GPR19: variants seen among roughly 807,000 people sequenced by gnomAD.
GPR19 encodes the protein G protein-coupled receptor 19, also known as probable G protein-coupled receptor 19.
Under a neutral mutation model 28.5 loss-of-function variants are expected in GPR19, and 14 were observed. That is an observed-to-expected ratio of 0.49 (90% CI 0.32 to 0.77). The LOEUF (loss-of-function observed/expected upper bound fraction) is 0.77, where lower values mean the gene tolerates loss of function less well. Ranked by LOEUF, GPR19 falls within the 30% of genes least tolerant of loss-of-function variation. The pLI is 0.03. For synonymous variants in GPR19, 173 were observed against 184.1 expected (o/e 0.94, Z 0.49); for missense variants, 409 against 504.1 (o/e 0.81, Z 1.81).
the GPR19 span, chr12:12,717,097 C>G: frequency 9.9e-7 from 1 of 1,011,538 alleles, no homozygotes; most frequent in Non-Finnish European, 1.2e-6. Context: ...AGGTTCCCGG[C>G]CGTTTGGCTA....
At chr12:12,663,146 A>T (rs1945705337) in intron 3 of GPR19, among the ~76,000 whole-genome samples, 1 of 152,338 alleles carries the variant, frequency 6.6e-6, no homozygotes, top group African/African-American at 2.4e-5. Context: ...TTCATGCACT[A>T]ATAGCTTGCC....
At chr12:12,673,413 G>A (rs918401476) in intron 3 of GPR19, among the ~76,000 whole-genome samples, 2 of 152,158 alleles carry the variant, frequency 1.3e-5, no homozygotes, top group African/African-American at 2.4e-5. Flanking sequence ...GAGACTCACC[G>A]GGACATAGTG....
intron 3 of GPR19, among the ~76,000 whole-genome samples, chr12:12,664,406 C>T (rs1592251785): frequency 6.6e-6 from 1 of 152,164 alleles, no homozygotes; most frequent in Non-Finnish European, 1.5e-5. Context: ...AGGCAATATA[C>T]TCAATGCCTG....
chr12:12,671,437 A>C (rs1461208040), intron 3 of GPR19, among the ~76,000 whole-genome samples: 1 of 152,090 alleles, frequency 6.6e-6, no homozygotes, highest in Non-Finnish European at 1.5e-5. Context: ...AATTTTCTCT[A>C]CTGGTCTTTT....
At chr12:12,664,040 C>A (rs1256121571) in intron 3 of GPR19, among the ~76,000 whole-genome samples, 2 of 152,180 alleles carry the variant, frequency 1.3e-5, no homozygotes, top group East Asian at 3.8e-4. Flanking sequence ...GTCCCCCGGG[C>A]TGGTGTGCAG....
rs1005642147 is a variant in GPR19, at chr12:12,674,067, C to T, written c.-23+10284G>A. Among the ~76,000 whole-genome samples, 59 of 151,852 alleles carry T rather than the reference C, an allele frequency of 3.9e-4. 1 individual carries two copies. The highest frequency in any genetic ancestry group is 1.3e-3 in the African/African-American group (55 of 41,408). On this transcript the variant is annotated intron_variant, in intron 3 of 3. Coordinates refer to ENST00000651487, the MANE Select transcript of GPR19 (RefSeq NM_006143.3). ...TCTGTACTAAATATATAAAAATTAGCCCAGCATGGTGGTGAGTGCCTGTAA... is the reference window on the plus strand; with the variant it reads ...TCTGTACTAAATATATAAAAATTAGTCCAGCATGGTGGTGAGTGCCTGTAA...
At chr12:12,702,129 G>T in the GPR19 span, among the ~76,000 whole-genome samples, 1 of 151,902 alleles carries the variant, frequency 6.6e-6, no homozygotes, top group East Asian at 1.9e-4. Flanking sequence ...GACAGTGATT[G>T]TATTTTATTC....
chr12:12,697,051 T>TTTGC (rs1293833511), upstream of GPR19, among the ~76,000 whole-genome samples: 5 of 151,910 alleles, frequency 3.3e-5, no homozygotes, highest in Admixed American at 2.6e-4. Context: ...AATGTAGGCC[T>TTTGC]AGTTATGGTA....
In GPR19 at chr12:12,661,682, T is replaced by C; in HGVS notation, c.767A>G (p.Asp256Gly). The C allele has an allele frequency of 6.2e-7, 1 of 1,614,148 alleles. No homozygotes were observed. Among genetic ancestry groups the C allele is most frequent in the East Asian group, 2.2e-5 (1 of 44,882 alleles). Residue 256 changes from aspartate (D) to glycine (G), a missense_variant, in exon 4 of 4, where the codon GAT (aspartate) becomes GGT (glycine). Transcript: ENST00000651487. This position sits in a 1 kb window ranked among gnomAD's most constrained non-coding sequence, Gnocchi z 4.2. ...CATTGTCCTCCTCACCGTTCGGCCA[T>C]CTGTGCCTATTCTCCAAATATATTT... ...VIKYIWRIGT[D>G]GRTVRRTMNI... is the part of the protein sequence containing the mutation.
At chr12:12,704,000 T>C in the GPR19 span, among the ~76,000 whole-genome samples, 1 of 152,194 alleles carries the variant, frequency 6.6e-6, no homozygotes, top group African/African-American at 2.4e-5. Flanking sequence ...GAGTAAGTCA[T>C]AGAGACAGTG....
chr12:12,711,434 A>G, the GPR19 span, among the ~76,000 whole-genome samples: 3 of 152,158 alleles, frequency 2.0e-5, no homozygotes, highest in African/African-American at 7.2e-5. Flanking sequence ...AGCCCATGAG[A>G]AAGGGGAAAG....
chr12:12,695,452 G>T lies in GPR19; in HGVS notation c.-180+7C>A, dbSNP rs550548676. 1 of 152,244 alleles carries T rather than the reference G, an allele frequency of 6.6e-6. No individual in the cohort carries two copies. The highest frequency in any genetic ancestry group is 2.4e-5 in the African/African-American group (1 of 41,438). 9.4% of individuals were successfully genotyped at this position (152,244 alleles called of 1,614,324 possible). A position where few individuals can be genotyped will look rare whatever the true frequency, so the allele number is the denominator to read the frequency against. ...AGGAGGCAGACACTTCAGGTGTTGG[G>T]TGGTACCTTTAAGATGTTGCGGGGC... On this transcript the variant is annotated splice_region_variant and intron_variant, in intron 2 of 3. Transcript: ENST00000651487.
the GPR19 span, among the ~76,000 whole-genome samples, chr12:12,709,004 C>T: frequency 9.3e-5 from 14 of 150,598 alleles, no homozygotes; most frequent in East Asian, 3.9e-4. Context: ...GCCAAGATCA[C>T]GCCACTGCAC....
the GPR19 span, chr12:12,716,802 A>G: frequency 1.4e-5 from 14 of 985,086 alleles, no homozygotes; most frequent in East Asian, 1.0e-3. Flanking sequence ...ACCATTGCCC[A>G]CTGCCTCCAC....
At chr12:12,687,093 G>A (rs768348938) in intron 2 of GPR19, among the ~76,000 whole-genome samples, 1 of 152,180 alleles carries the variant, frequency 6.6e-6, no homozygotes, top group African/African-American at 2.4e-5. Flanking sequence ...CAATACTTGT[G>A]CAACTGGGGT....
chr12:12,664,790 G>T (rs1265137811), intron 3 of GPR19, among the ~76,000 whole-genome samples: 1 of 151,822 alleles, frequency 6.6e-6, no homozygotes. Flanking sequence ...CGTGGTGGCA[G>T]GCGCCTGTGG....
At chr12:12,698,617 A>ATTTTTTTTTTTT (rs11411021), upstream of GPR19, among the ~76,000 whole-genome samples, 1 of 149,774 alleles carries the variant, frequency 6.7e-6, no homozygotes, top group Non-Finnish European at 1.5e-5. Flanking sequence ...AACTTAAAGC[A>ATTTTTTTTTTTT]TTTTTTTTTT....
chr12:12,697,152 G>GAAAAAAAAAAAAAAAAAAAAAA (rs1565413527), upstream of GPR19, among the ~76,000 whole-genome samples: 1 of 5,262 alleles, frequency 1.9e-4, no homozygotes, highest in Non-Finnish European at 5.7e-4. Context: ...TTGAAGCGAA[G>GAAAAAAAAAAAAAAAAAAAAAA]TAAAAAAAAA....
At chr12:12,665,564 C>G (rs571497192) in intron 3 of GPR19, among the ~76,000 whole-genome samples, 6 of 152,116 alleles carry the variant, frequency 3.9e-5, no homozygotes, top group African/African-American at 9.7e-5. Flanking sequence ...ATCGGCCGAG[C>G]GCGGTGGCTC....
Sources: gnomAD v4.1 joint callset for allele counts (sites outside exome capture counted in the v4.1 genomes callset) on GRCh38, gnomAD v4.1.1 for gene constraint, Gnocchi (gnomAD v3.1) non-coding constraint, MANE v1.5 for transcripts, NCBI Gene and HGNC (gene_info 2026-07-23, HGNC 2026-07-21) for gene names.